IMPG2: variants seen among roughly 807,000 people sequenced by gnomAD.
IMPG2 encodes IPM 200.
A neutral mutation model predicts 129.2 loss-of-function variants in IMPG2; 91 were observed. That is an observed-to-expected ratio of 0.70 (90% CI 0.59 to 0.84). The LOEUF is 0.84. IMPG2 is among the 40% of genes least tolerant of loss of function. IMPG2 has a pLI of 0.00. For synonymous variants in IMPG2, 510 were observed against 517.7 expected (o/e 0.99, Z 0.20); for missense variants, 1,430 against 1,461.7 (o/e 0.98, Z 0.35).
intron 18 of IMPG2, among the ~76,000 whole-genome samples, 176 bp downstream of exon 18, chr3:101,228,621 G>A (rs114613717): frequency 0.017 from 2,514 of 152,284 alleles, 65 homozygotes; most frequent in African/African-American, 0.058. Context: ...TTATAAGGAA[G>A]AAATGAGATA....
chr3:101,268,131 T>A (rs1706741278), intron 8 of IMPG2, among the ~76,000 whole-genome samples: 1 of 152,228 alleles, frequency 6.6e-6, no homozygotes, highest in African/African-American at 2.4e-5. Context: ...GATAAATAAG[T>A]TGCTGATGGC....
intron 9 of IMPG2, among the ~76,000 whole-genome samples, chr3:101,262,889 C>T (rs1426223747): frequency 6.6e-6 from 1 of 151,176 alleles, no homozygotes; most frequent in Non-Finnish European, 1.5e-5. Context: ...AAACCAAAAG[C>T]AAGTGGGAGT....
chr3:101,293,799 G>C (rs1707047427), intron 3 of IMPG2, among the ~76,000 whole-genome samples: 1 of 152,184 alleles, frequency 6.6e-6, no homozygotes, highest in Non-Finnish European at 1.5e-5. Flanking sequence ...ATCAGCACTT[G>C]CTTATGTTAT....
Position 101,257,684 on chromosome 3 carries a change from AC to A in IMPG2, c.997del (p.Val333TrpfsTer41), listed in dbSNP as rs1706626135. The A allele has an allele frequency of 6.2e-7, 1 of 1,613,306 alleles. No homozygotes were observed. Among genetic ancestry groups the A allele is most frequent in the African/African-American group, 1.3e-5 (1 of 74,870 alleles). On this transcript the variant is annotated frameshift_variant, in exon 10 of 19. Coordinates refer to ENST00000193391, the MANE Select transcript of IMPG2 (RefSeq NM_016247.4). LOFTEE classifies it high-confidence loss of function. The part of the protein sequence containing the change: ...WDLISLHSNK[V>X]ENHGLVELDD... ...CAGTTCCACAAGGCCATGGTTTTCCACCTTGTTGGAGTGAAGGCTAATGAGG... is the reference window on the plus strand; with the variant it reads ...CAGTTCCACAAGGCCATGGTTTTCCACTTGTTGGAGTGAAGGCTAATGAGG...
rs553615659 is a variant in IMPG2 at position 101,238,483 on chromosome 3, C to T, written c.3022+4205G>A. ...GCAGCCAGAGAGAAAGGTCGGGTTA[C>T]CCACAAAGGGAAACCCATCAGACTA... On this transcript the variant is annotated intron_variant, in intron 14 of 18. Coordinates refer to ENST00000193391, the MANE Select transcript of IMPG2 (RefSeq NM_016247.4). Among the ~76,000 whole-genome samples, 48 of 152,242 alleles carry T rather than the reference C, an allele frequency of 3.2e-4. 1 individual carries two copies. In the East Asian group the frequency reaches 8.1e-3, roughly 26 times the overall value.
At chr3:101,266,225 A>G (rs952587962) in intron 9 of IMPG2, among the ~76,000 whole-genome samples, 4 of 152,202 alleles carry the variant, frequency 2.6e-5, no homozygotes, top group African/African-American at 9.7e-5. Context: ...AAAGGAAATT[A>G]GTATATCAAA....
chr3:101,238,258 A>C (rs1322170666), intron 14 of IMPG2, among the ~76,000 whole-genome samples: 1 of 152,182 alleles, frequency 6.6e-6, no homozygotes, highest in South Asian at 2.1e-4. Context: ...TGTACCTGAA[A>C]GTGATGGGGA....
In IMPG2 at chr3:101,224,316, A is replaced by G. The variant is rs112670504; in HGVS notation, c.*2653T>C. 17 of 152,356 alleles carry G rather than the reference A, an allele frequency of 1.1e-4. 1 individual carries two copies. Among genetic ancestry groups the G allele is most frequent in the African/African-American group, 4.1e-4 (17 of 41,582 alleles). The allele number at this position is 152,356 out of a possible 1,614,324, so 9.4% of individuals were successfully genotyped here. A position where few individuals can be genotyped will look rare whatever the true frequency, so the allele number is the denominator to read the frequency against. Reference sequence around the variant, plus strand: ...TTCAATTATAAAGGCTACATCTGTAAAACACCACAGTATCTTACAACCTTT... The same window carrying G: ...TTCAATTATAAAGGCTACATCTGTAGAACACCACAGTATCTTACAACCTTT... On this transcript the variant is annotated 3_prime_UTR_variant, in exon 19 of 19. Coordinates refer to ENST00000193391, the MANE Select transcript of IMPG2 (RefSeq NM_016247.4).
In IMPG2 at chr3:101,256,136, GAAAGAAAGA is replaced by G. The variant is rs1706597966; in HGVS notation, c.1153+1384_1153+1392del. On this transcript the variant is annotated intron_variant, in intron 10 of 18. Coordinates refer to ENST00000193391, the MANE Select transcript of IMPG2 (RefSeq NM_016247.4). ...AAAGAAAAAGAAAGAGAGAAAGAAAGAAAGAAAGAAAAGAAAGAAAGAAAGAAAGAAAGA... is the reference window on the plus strand; with the variant it reads ...AAAGAAAAAGAAAGAGAGAAAGAAAGAAAGAAAGAAAGAAAGAAAGAAAGA... Among the ~76,000 whole-genome samples, 7 of 85,672 alleles carry G rather than the reference GAAAGAAAGA, an allele frequency of 8.2e-5. 1 individual carries two copies. Among genetic ancestry groups the G allele is most frequent in the African/African-American group, 2.3e-4 (5 of 22,180 alleles). The allele number at this position is 85,672 out of a possible 152,430, so 56.2% of individuals were successfully genotyped here.
At chr3:101,250,426 A>G (rs926176529) in intron 11 of IMPG2, among the ~76,000 whole-genome samples, 8 of 152,212 alleles carry the variant, frequency 5.3e-5, no homozygotes, top group African/African-American at 1.9e-4. Context: ...AGAGGGGCTG[A>G]GCATGCACAT....
chr3:101,318,149 A>T (rs914204476), intron 2 of IMPG2, among the ~76,000 whole-genome samples: 4 of 144,182 alleles, frequency 2.8e-5, no homozygotes, highest in African/African-American at 1.0e-4. Flanking sequence ...AAATAGTAAT[A>T]AATAATAATA....
chr3:101,283,765 C>T (rs1706917838), intron 4 of IMPG2, among the ~76,000 whole-genome samples: 1 of 152,042 alleles, frequency 6.6e-6, no homozygotes, highest in Non-Finnish European at 1.5e-5. Context: ...CAAAACAAAA[C>T]AAAAAACTCT....
intron 14 of IMPG2, among the ~76,000 whole-genome samples, chr3:101,240,298 C>A (rs183274504): frequency 1.3e-5 from 2 of 151,970 alleles, no homozygotes; most frequent in East Asian, 3.9e-4. Context: ...TTCAGTTTTT[C>A]TGTAGAGATG....
At chr3:101,236,120 G>T (rs1326465742) in intron 14 of IMPG2, among the ~76,000 whole-genome samples, 1 of 152,194 alleles carries the variant, frequency 6.6e-6, no homozygotes, top group Non-Finnish European at 1.5e-5. Flanking sequence ...AAACAGGATT[G>T]TGATTTGCAT....
In IMPG2 at chr3:101,242,899, G is replaced by A; in HGVS notation, c.2811C>T (p.Pro937=). 1.2e-6 allele frequency: 2 copies of A among 1,613,294 alleles called. No homozygotes were observed. The highest frequency in any genetic ancestry group is 2.2e-5 in the South Asian group (2 of 91,060). ...LEQRFLELLV[P]YLQSNLTGFQ... The stretch of plus-strand genomic sequence containing the variant: ...ACCCCGTGAGATTTGACTGGAGATA[G>A]GGAACCAGCTACAATATACAAAAGT... Residue 937 remains proline, a synonymous_variant, in exon 14 of 19, where the codon CCC becomes CCT. Transcript: ENST00000193391.
intron 3 of IMPG2, 40 bp from the exon 4 acceptor site, chr3:101,291,550 C>T: frequency 6.6e-7 from 1 of 1,520,554 alleles, no homozygotes. Context: ...GAGTTAACAA[C>T]AGTTATTAAG....
intron 4 of IMPG2, among the ~76,000 whole-genome samples, chr3:101,280,289 T>C (rs1438511348): frequency 2.0e-5 from 3 of 152,216 alleles, no homozygotes; most frequent in African/African-American, 4.8e-5. Context: ...CATATGCAGA[T>C]TCCTGCTCCC....
intron 3 of IMPG2, among the ~76,000 whole-genome samples, chr3:101,295,364 G>C (rs777536713): frequency 6.6e-6 from 1 of 152,066 alleles, no homozygotes; most frequent in South Asian, 2.1e-4. Flanking sequence ...TTTTTGTCAG[G>C]TTTGTCAAAG....
At chr3:101,284,040 G>A (rs991622145) in intron 4 of IMPG2, among the ~76,000 whole-genome samples, 4 of 152,180 alleles carry the variant, frequency 2.6e-5, no homozygotes, top group Non-Finnish European at 5.9e-5. Context: ...GATCAGATTC[G>A]AGATATATTT....
Sources: gnomAD v4.1 joint callset for allele counts (sites outside exome capture counted in the v4.1 genomes callset) on GRCh38, gnomAD v4.1.1 for gene constraint, MANE v1.5 for transcripts, NCBI Gene and HGNC (gene_info 2026-07-23, HGNC 2026-07-21) for gene names.